The following COX20 variants were observed in gnomAD, a reference collection of about 807,000 sequenced individuals.
The protein encoded by COX20 is cytochrome c oxidase assembly protein COX20, mitochondrial.
In COX20, 14 loss-of-function variants were observed where a neutral mutation model predicts 14.3. That is an observed-to-expected ratio of 0.98 (90% CI 0.65 to 1.53). The LOEUF (loss-of-function observed/expected upper bound fraction) is 1.53, where lower values mean the gene tolerates loss of function less well. COX20 is among the 40% of genes most tolerant of loss of function. The probability of loss-of-function intolerance (pLI) is 0.00; values close to 1 mark genes in which losing one functional copy is unlikely to be tolerated. For synonymous variants in COX20, 56 were observed against 51.7 expected (o/e 1.08, Z -0.36); for missense variants, 149 against 142.1 (o/e 1.05, Z -0.25).
At chr1:244,837,022 A>C (rs1680011124) in intron 1 of COX20, among the ~76,000 whole-genome samples, 1 of 152,144 alleles carries the variant, frequency 6.6e-6, no homozygotes. Flanking sequence ...TTTTGTGATA[A>C]ACACTGGAAT....
chr1:244,837,194 T>C (rs977027387), intron 1 of COX20, among the ~76,000 whole-genome samples: 13 of 151,308 alleles, frequency 8.6e-5, no homozygotes, highest in Non-Finnish European at 1.9e-4. Flanking sequence ...GTTGTTGAAA[T>C]GAAGATAGTT....
At chr1:244,842,381 TTTTTCAGGACATTTTCATGG>T in intron 3 of COX20, 123 bp downstream of exon 3, 3 of 731,868 alleles carry the variant, frequency 4.1e-6, no homozygotes, top group Non-Finnish European at 7.4e-6. Flanking sequence ...AGAATCTTGA[TTTTTCAGGACATTTTCATGG>T]AAATCTTAAA....
At chr1:244,835,841 T>G (rs1679960565) in intron 1 of COX20, 85 bp downstream of exon 1, 1 of 991,862 alleles carries the variant, frequency 1.0e-6, no homozygotes, top group East Asian at 3.3e-5. Flanking sequence ...CCGGAGCACG[T>G]GTCACTGGCT....
Position 244,842,098 on chromosome 1 carries a change from AAG to A in COX20, c.157+41_157+42del, listed in dbSNP as rs765477155. 3.9e-6 allele frequency: 6 copies of A among 1,532,588 alleles called. No homozygotes were observed. The Admixed American group carries it at 8.5e-5, about 22-fold the overall frequency. The allele number at this position is 1,532,588 out of a possible 1,614,324, so 94.9% of individuals were successfully genotyped here. ...TTTTTATTTCTCTATGTACTAAAAA[AAG>A]CATTTCTCTACATAATGAACTATTT... On this transcript the variant is annotated intron_variant, in intron 2 of 3. Transcript: ENST00000411948.
chr1:244,842,290 G>GA, intron 3 of COX20, 32 bp downstream of exon 3: 1 of 1,429,660 alleles, frequency 7.0e-7, no homozygotes, highest in Non-Finnish European at 9.9e-7. Context: ...GAACATCCAT[G>GA]ATTATAGTAG....
In COX20 at chr1:244,841,929, T is replaced by G; in HGVS notation, c.43-15T>G. The G allele has an allele frequency of 6.7e-7, 1 of 1,502,844 alleles. No individual in the cohort carries two copies. 93.1% of individuals were successfully genotyped at this position (1,502,844 alleles called of 1,614,324 possible). On this transcript the variant is annotated splice_polypyrimidine_tract_variant and intron_variant, in intron 1 of 3. Coordinates refer to ENST00000411948, the MANE Select transcript of COX20 (RefSeq NM_198076.6). ...TACTTTCTTACTCAATCTAGGTTCT[T>G]TTTTTTCATTCTAGTCCCTTAAGCT...
chr1:244,841,852 C>T (rs1303270954), intron 1 of COX20, 92 bp from the exon 2 acceptor site: 3 of 742,994 alleles, frequency 4.0e-6, no homozygotes, highest in East Asian at 2.6e-5. Context: ...CCCTCAACTA[C>T]AAGAAAAGAA....
At chr1:244,836,531 A>AT in intron 1 of COX20, 1 of 1,549,320 alleles carries the variant, frequency 6.5e-7, no homozygotes, top group Non-Finnish European at 8.7e-7. Context: ...GTAATAAATG[A>AT]TCTTGTTTTC....
At chr1:244,841,336 G>A (rs371667240) in intron 1 of COX20, 43 of 152,268 alleles carry the variant, frequency 2.8e-4, no homozygotes, top group African/African-American at 9.9e-4. Context: ...CATGTATTAC[G>A]AACAAAGAAT....
Position 244,844,871 on chromosome 1 carries a change from C to T in COX20, c.*1695C>T, listed in dbSNP as rs999858751. On this transcript the variant is annotated 3_prime_UTR_variant, in exon 4 of 4. Transcript: ENST00000411948. The stretch of plus-strand genomic sequence containing the variant: ...CACTAATCAATAATCTGATATTTAA[C>T]AAAATATGGACAGGCCACTTATGCT... 1 of 152,026 alleles carries T rather than the reference C, an allele frequency of 6.6e-6. No individual in the cohort carries two copies. Among genetic ancestry groups the T allele is most frequent in the Non-Finnish European group, 1.5e-5 (1 of 67,994 alleles). 9.4% of individuals were successfully genotyped at this position (152,026 alleles called of 1,614,324 possible). A position where few individuals can be genotyped will look rare whatever the true frequency, so the allele number is the denominator to read the frequency against.
In COX20 at chr1:244,842,197, A is replaced by C; in HGVS notation, c.160A>C (p.Arg54=). ...AATTGTTATGCTTATTTTTACAGGT[A>C]GAATTAGAAGATCATGTGATGTTGG... is the stretch of plus-strand genomic sequence containing the variant. ...AGFGHFLFTS[R]IRRSCDVGVG... Residue 54 remains arginine (R), a splice_region_variant and synonymous_variant, in exon 3 of 4, where the codon AGA becomes CGA. Transcript: ENST00000411948. 1 of 1,600,478 alleles carries C rather than the reference A, an allele frequency of 6.2e-7. No individual in the cohort carries two copies. Among genetic ancestry groups the C allele is most frequent in the Non-Finnish European group, 8.6e-7 (1 of 1,168,046 alleles).
Position 244,835,665 on chromosome 1 carries a change from C to T in COX20, c.-50C>T, listed in dbSNP as rs1679946759. The T allele has an allele frequency of 1.6e-6, 2 of 1,232,584 alleles. No individual in the cohort carries two copies. The highest frequency in any genetic ancestry group is 2.0e-6 in the Non-Finnish European group (2 of 985,828). The allele number at this position is 1,232,584 out of a possible 1,614,324, so 76.4% of individuals were successfully genotyped here. A position where few individuals can be genotyped will look rare whatever the true frequency, so the allele number is the denominator to read the frequency against. ...AGGGGCGCGGCCAGCCGGGCTTCTG[C>T]TTCCGCGACCCCGGCGGTGCAGGGC... On this transcript the variant is annotated 5_prime_UTR_variant, in exon 1 of 4. Coordinates refer to ENST00000411948, the MANE Select transcript of COX20 (RefSeq NM_198076.6).
At chr1:244,839,498 C>A (rs1295543144) in intron 1 of COX20, among the ~76,000 whole-genome samples, 2 of 151,374 alleles carry the variant, frequency 1.3e-5, no homozygotes, top group African/African-American at 4.8e-5. Context: ...CTTAAGTATG[C>A]AGGCTACTTA....
At chr1:244,839,358 CTT>C (rs1238004139) in intron 1 of COX20, among the ~76,000 whole-genome samples, 2 of 152,134 alleles carry the variant, frequency 1.3e-5, no homozygotes, top group Non-Finnish European at 1.5e-5. Flanking sequence ...TTGGAAATCT[CTT>C]GAGCTTTCCT....
chr1:244,836,429 GGA>G, intron 1 of COX20: 2 of 1,492,150 alleles, frequency 1.3e-6, no homozygotes. Flanking sequence ...CGCTCTCCCT[GGA>G]AGGGCTCCTG....
chr1:244,840,213 C>A (rs1680142971), intron 1 of COX20: 1 of 152,114 alleles, frequency 6.6e-6, no homozygotes, highest in Admixed American at 6.6e-5. Flanking sequence ...TCAGAAAAAA[C>A]CACCTAGAGT....
At chr1:244,842,933 A>G in intron 3 of COX20, 108 bp from the exon 4 acceptor site, 1 of 807,232 alleles carries the variant, frequency 1.2e-6, no homozygotes, top group Non-Finnish European at 1.8e-6. Context: ...TTTCAGTCTC[A>G]GGGTAGTAGT....
chr1:244,835,509 G>C (rs3737858), upstream of COX20: 8 of 388,982 alleles, frequency 2.1e-5, no homozygotes, highest in East Asian at 1.1e-4. Flanking sequence ...AGTGTGACCC[G>C]TTCGACGGAA....
At chr1:244,839,565 A>G (rs1287399119) in intron 1 of COX20, among the ~76,000 whole-genome samples, 1 of 152,238 alleles carries the variant, frequency 6.6e-6, no homozygotes. Flanking sequence ...ATTTCCGTAT[A>G]TAAATAGAAT....
Sources: allele counts gnomAD v4.1 joint callset (sites outside exome capture counted in the v4.1 genomes callset), GRCh38; gene constraint gnomAD v4.1.1; transcripts MANE v1.5; gene names NCBI Gene and HGNC (gene_info 2026-07-23, HGNC 2026-07-21).